Variants in PRDM11 observed in about 807,000 individuals in gnomAD.
The protein encoded by PRDM11 is PR domain-containing protein 11.
A neutral mutation model predicts 97.8 loss-of-function variants in PRDM11; 20 were observed. That is an observed-to-expected ratio of 0.20 (90% CI 0.14 to 0.30). The LOEUF is 0.30. Ranked by LOEUF, PRDM11 falls within the 10% of genes least tolerant of loss-of-function variation. The pLI, the probability that PRDM11 is intolerant of heterozygous loss-of-function variation, is 1.00. For synonymous variants in PRDM11, 599 were observed against 637.7 expected (o/e 0.94, Z 0.91); for missense variants, 1,139 against 1,555.2 (o/e 0.73, Z 4.50).
chr11:45,201,205 A>ATTTG (rs1368306178), intron 4 of PRDM11, among the ~76,000 whole-genome samples: 3 of 152,248 alleles, frequency 2.0e-5, no homozygotes, highest in African/African-American at 7.2e-5. Context: ...ATGTAGTAAA[A>ATTTG]TAATTGGGAA....
At chr11:45,130,258 T>C (rs1300942011) in intron 1 of PRDM11, among the ~76,000 whole-genome samples, 1 of 152,116 alleles carries the variant, frequency 6.6e-6, no homozygotes, top group Non-Finnish European at 1.5e-5. Context: ...ACCCATAAAA[T>C]AGGCCTCATT....
intron 3 of PRDM11, 86 bp downstream of exon 3, chr11:45,182,435 A>G (rs1852543161): frequency 8.1e-7 from 1 of 1,238,620 alleles, no homozygotes; most frequent in East Asian, 2.5e-5. Flanking sequence ...CAATGCTACT[A>G]AGATAGGTCC....
chr11:45,210,103 C>T (rs1413994392), intron 5 of PRDM11, among the ~76,000 whole-genome samples: 15 of 152,170 alleles, frequency 9.9e-5, no homozygotes, highest in Admixed American at 9.8e-4. Flanking sequence ...GCTGTGAAGG[C>T]CCGGGCCGGG....
chr11:45,117,894 A>T (rs2135621281), intron 1 of PRDM11, among the ~76,000 whole-genome samples: 1 of 152,352 alleles, frequency 6.6e-6, no homozygotes, highest in East Asian at 1.9e-4. Context: ...GACCAACACT[A>T]ACTCAGCCAG....
At chr11:45,147,351 C>G (rs868438386) in intron 1 of PRDM11, 1 of 152,054 alleles carries the variant, frequency 6.6e-6, no homozygotes, top group African/African-American at 2.4e-5. Flanking sequence ...CTAGTTCTCG[C>G]GGACGCCCTC....
At chr11:45,198,883 T>G (rs1025598313) in intron 4 of PRDM11, among the ~76,000 whole-genome samples, 2 of 152,192 alleles carry the variant, frequency 1.3e-5, no homozygotes, top group African/African-American at 4.8e-5. Flanking sequence ...AAGTTTAAAC[T>G]CCAGCTTCCC....
intron 4 of PRDM11, among the ~76,000 whole-genome samples, chr11:45,189,593 G>A (rs139710083): frequency 2.3e-3 from 344 of 152,312 alleles, no homozygotes; most frequent in African/African-American, 7.8e-3. Context: ...CACTCCATGC[G>A]AGGCAGCCTC....
At chr11:45,174,741 A>G (rs1340415511) in intron 1 of PRDM11, among the ~76,000 whole-genome samples, 2 of 152,242 alleles carry the variant, frequency 1.3e-5, no homozygotes, top group African/African-American at 4.8e-5. Flanking sequence ...CCTCTAAAGA[A>G]TATTTAAGTG....
chr11:45,139,160 AT>A (rs1852940655), intron 1 of PRDM11, among the ~76,000 whole-genome samples: 1 of 152,242 alleles, frequency 6.6e-6, no homozygotes, highest in Non-Finnish European at 1.5e-5. Context: ...GATTAAGCAG[AT>A]TGATGGTGTT....
chr11:45,156,419 G>C (rs1394788791), intron 1 of PRDM11, among the ~76,000 whole-genome samples: 5 of 152,180 alleles, frequency 3.3e-5, no homozygotes, highest in Non-Finnish European at 7.3e-5. Context: ...CCTGCACCAG[G>C]TTCCTCTTGG....
intron 1 of PRDM11, among the ~76,000 whole-genome samples, chr11:45,132,224 G>C (rs1852737066): frequency 6.6e-6 from 1 of 152,166 alleles, no homozygotes; most frequent in African/African-American, 2.4e-5. Context: ...CTGAGCCCAT[G>C]ACAACAAGGA....
chr11:45,194,590 CTGTTTTTTT>C (rs1357612291), intron 4 of PRDM11, among the ~76,000 whole-genome samples: 2 of 89,992 alleles, frequency 2.2e-5, no homozygotes, highest in Non-Finnish European at 2.2e-5. Flanking sequence ...TTATTATCTT[CTGTTTTTTT>C]TTTTTTTTTT....
chr11:45,166,695 C>T (rs911104118), intron 1 of PRDM11, among the ~76,000 whole-genome samples: 1 of 152,240 alleles, frequency 6.6e-6, no homozygotes, highest in African/African-American at 2.4e-5. Context: ...ACAGATAATG[C>T]TTCACAGAGT....
At chr11:45,136,064 A>AT (rs1479596803) in intron 1 of PRDM11, among the ~76,000 whole-genome samples, 1 of 152,230 alleles carries the variant, frequency 6.6e-6, no homozygotes, top group African/African-American at 2.4e-5. Flanking sequence ...ATTTTGGTTC[A>AT]TTACTTGTGG....
At chr11:45,187,156 C>T (rs1404154134) in intron 4 of PRDM11, among the ~76,000 whole-genome samples, 1 of 152,142 alleles carries the variant, frequency 6.6e-6, no homozygotes, top group African/African-American at 2.4e-5. Context: ...TTATTCCCAA[C>T]CAAGTAATAC....
At chr11:45,171,895 C>T (rs1852210167) in intron 1 of PRDM11, among the ~76,000 whole-genome samples, 2 of 148,654 alleles carry the variant, frequency 1.3e-5, no homozygotes. Context: ...TCCAACCCAA[C>T]TGGGTGTCCA....
chr11:45,193,928 TC>T (rs1853006957), intron 4 of PRDM11, among the ~76,000 whole-genome samples: 1 of 152,216 alleles, frequency 6.6e-6, no homozygotes, highest in Non-Finnish European at 1.5e-5. Context: ...TTGGAGCATG[TC>T]TGTTCTGGGC....
At chr11:45,188,893 T>C (rs2135753882) in intron 4 of PRDM11, among the ~76,000 whole-genome samples, 1 of 152,210 alleles carries the variant, frequency 6.6e-6, no homozygotes, top group East Asian at 1.9e-4. Flanking sequence ...ATGGGATTTT[T>C]TGTTTGTTTG....
At chr11:45,155,891 G>A (rs1054019950) in intron 1 of PRDM11, among the ~76,000 whole-genome samples, 2 of 152,036 alleles carry the variant, frequency 1.3e-5, no homozygotes, top group African/African-American at 4.8e-5. Context: ...GAGTGTGGAC[G>A]GGCATGTTCC....
Sources: allele counts gnomAD v4.1 joint callset (sites outside exome capture counted in the v4.1 genomes callset), GRCh38; gene constraint gnomAD v4.1.1; transcripts MANE v1.5; gene names NCBI Gene and HGNC (gene_info 2026-07-23, HGNC 2026-07-21).